The following CTNNA2 variants were observed in gnomAD, a reference collection of about 807,000 sequenced individuals.
CTNNA2 encodes the protein catenin alpha 2.
In CTNNA2, 42 loss-of-function variants were observed where a neutral mutation model predicts 101.0. The ratio of observed to expected loss-of-function variants is 0.42; its 90% CI spans 0.32 to 0.54. CTNNA2 has a LOEUF of 0.54. Among genes scored for constraint, CTNNA2 ranks in the 20% least tolerant of loss-of-function variants. CTNNA2 has a pLI of 0.14. For missense variants in CTNNA2, 871 were observed against 1,223.1 expected (o/e 0.71, Z 4.29); for synonymous variants, 450 against 456.4 (o/e 0.99, Z 0.18).
chr2:79,542,100 G>A (rs1008246951), intron 1 of CTNNA2, among the ~76,000 whole-genome samples: 11 of 151,476 alleles, frequency 7.3e-5, no homozygotes, highest in African/African-American at 2.4e-4. Flanking sequence ...GAAATGTGCC[G>A]AACCTTTTAG....
chr2:79,906,355 G>A (rs1200933741), intron 6 of CTNNA2, among the ~76,000 whole-genome samples: 1 of 152,000 alleles, frequency 6.6e-6, no homozygotes, highest in Non-Finnish European at 1.5e-5. Context: ...CCGTGCACAT[G>A]TGCATGCACA....
At position 79,437,387 on chromosome 2, in the gene CTNNA2, A is replaced by G. The variant is rs368504909; in HGVS notation, c.-135+63374A>G. Among the ~76,000 whole-genome samples, 4 of 152,332 alleles carry G rather than the reference A, an allele frequency of 2.6e-5. No homozygotes were observed. In the East Asian group the frequency reaches 7.7e-4, roughly 29 times the overall value. On this transcript the variant is annotated intron_variant, in intron 4 of 21. Coordinates refer to the CTNNA2 transcript ENST00000466387. Reference sequence around the variant, plus strand: ...CTGAGCCAGCCTGACACAAGGCCTGAGATCCTGCATTCCTCACAGCTCCCA... The same window carrying G: ...CTGAGCCAGCCTGACACAAGGCCTGGGATCCTGCATTCCTCACAGCTCCCA...
intron 9 of CTNNA2, among the ~76,000 whole-genome samples, chr2:80,421,590 C>T (rs945546758): frequency 1.3e-5 from 2 of 152,154 alleles, no homozygotes; most frequent in Non-Finnish European, 2.9e-5. Flanking sequence ...TGATCCTCAA[C>T]TTGTGACAAG....
At chr2:80,551,442 C>G (rs558682615) in intron 11 of CTNNA2, among the ~76,000 whole-genome samples, 19 of 152,300 alleles carry the variant, frequency 1.2e-4, no homozygotes, top group African/African-American at 4.6e-4. Context: ...CAGTAGAAGG[C>G]TGTCTTGTCA....
intron 7 of CTNNA2, among the ~76,000 whole-genome samples, chr2:80,387,242 T>C (rs933805465): frequency 1.3e-4 from 20 of 152,090 alleles, no homozygotes; most frequent in Non-Finnish European, 2.4e-4. Context: ...TGAGCCGAGA[T>C]TGTGCCACTG....
chr2:79,808,999 C>G lies in CTNNA2; in HGVS notation c.299-49014C>G, dbSNP rs147292451. The stretch of plus-strand genomic sequence containing the variant: ...GTTCCCCTCCCTGTGTCCATGTGTT[C>G]TCATTGCTCAACTCCCACTTATGAG... On this transcript the variant is annotated intron_variant, in intron 3 of 18. Coordinates refer to ENST00000402739, the MANE Select transcript of CTNNA2 (RefSeq NM_001282597.3). 7.7e-3 allele frequency among the ~76,000 whole-genome samples: 1,174 copies of G among 152,222 alleles called. 5 individuals are homozygous for G. Among genetic ancestry groups the G allele is most frequent in the Middle Eastern group, 0.02 (6 of 294 alleles).
At chr2:79,274,898 A>T (rs1008343250) in intron 2 of CTNNA2, among the ~76,000 whole-genome samples, 3 of 152,106 alleles carry the variant, frequency 2.0e-5, no homozygotes, top group Non-Finnish European at 2.9e-5. Context: ...AGCAGAGTCA[A>T]AAAGCTGTTA....
intron 1 of CTNNA2, among the ~76,000 whole-genome samples, chr2:79,543,068 C>T (rs1673517669): frequency 6.6e-6 from 1 of 152,088 alleles, no homozygotes; most frequent in Non-Finnish European, 1.5e-5. Flanking sequence ...GAAGTATTTT[C>T]ATAAACTTTA....
intron 1 of CTNNA2, among the ~76,000 whole-genome samples, chr2:79,562,915 TAA>T (rs1674871008): frequency 6.6e-6 from 1 of 151,822 alleles, no homozygotes; most frequent in African/African-American, 2.4e-5. Context: ...GTGACAGAGA[TAA>T]AGAGAGAAAA....
At chr2:79,331,135 C>T (rs900184712) in intron 3 of CTNNA2, among the ~76,000 whole-genome samples, 8 of 152,104 alleles carry the variant, frequency 5.3e-5, no homozygotes, top group African/African-American at 1.4e-4. Flanking sequence ...ACAATTTCAC[C>T]ATTCTGCCCT....
intron 1 of CTNNA2, among the ~76,000 whole-genome samples, chr2:79,189,901 C>T (rs1673830753): frequency 6.6e-6 from 1 of 152,064 alleles, no homozygotes; most frequent in South Asian, 2.1e-4. Context: ...TTTTCTGAAG[C>T]AATTATTCTA....
chr2:79,533,191 TAC>T (rs1672848988), intron 1 of CTNNA2, among the ~76,000 whole-genome samples: 1 of 152,108 alleles, frequency 6.6e-6, no homozygotes, highest in South Asian at 2.1e-4. Flanking sequence ...CCATTTTTGT[TAC>T]ACCTTTTCTT....
chr2:79,297,673 CTCTA>C (rs1438325743), intron 2 of CTNNA2, among the ~76,000 whole-genome samples: 1 of 152,176 alleles, frequency 6.6e-6, no homozygotes, highest in Non-Finnish European at 1.5e-5. Context: ...CTATTTATCT[CTCTA>C]TCTATATCTA....
chr2:79,802,813 A>G (rs1238640279), intron 3 of CTNNA2, among the ~76,000 whole-genome samples: 1 of 152,244 alleles, frequency 6.6e-6, no homozygotes, highest in Non-Finnish European at 1.5e-5. Flanking sequence ...TTCTGGGGAC[A>G]GAAAGTGGTT....
intron 2 of CTNNA2, among the ~76,000 whole-genome samples, chr2:79,207,206 G>T (rs1674110953): frequency 6.6e-6 from 1 of 152,162 alleles, no homozygotes; most frequent in South Asian, 2.1e-4. Flanking sequence ...AGCCACTTTT[G>T]TCCTGGGAGT....
At chr2:79,829,751 G>C (rs567459698) in intron 3 of CTNNA2, among the ~76,000 whole-genome samples, 2 of 149,118 alleles carry the variant, frequency 1.3e-5, no homozygotes, top group African/African-American at 5.0e-5. Context: ...ACGGAGTCTC[G>C]CTCTGTCGCC....
At chr2:80,425,521 CT>C (rs1680911420) in intron 9 of CTNNA2, among the ~76,000 whole-genome samples, 1 of 152,108 alleles carries the variant, frequency 6.6e-6, no homozygotes, top group Admixed American at 6.5e-5. Context: ...CCTTCCAATC[CT>C]TCCCAGGGCG....
intron 4 of CTNNA2, among the ~76,000 whole-genome samples, chr2:79,463,427 C>T (rs957676966): frequency 6.6e-6 from 1 of 151,206 alleles, no homozygotes; most frequent in Admixed American, 6.6e-5. Flanking sequence ...AAGTCCTGCT[C>T]CTGATGTAGC....
chr2:79,522,856 A>G (rs185482910), intron 1 of CTNNA2, among the ~76,000 whole-genome samples: 5 of 152,324 alleles, frequency 3.3e-5, no homozygotes, highest in African/African-American at 1.2e-4. Flanking sequence ...CAGAAGATAC[A>G]TTGTTTCAAA....
Sources: gnomAD v4.1 joint callset for allele counts (sites outside exome capture counted in the v4.1 genomes callset) on GRCh38, gnomAD v4.1.1 for gene constraint, MANE v1.5 for transcripts, NCBI Gene and HGNC (gene_info 2026-07-23, HGNC 2026-07-21) for gene names.